SUCO: variants seen among roughly 807,000 people sequenced by gnomAD.
SUCO encodes the protein SUN domain-containing ossification factor.
A neutral mutation model predicts 148.1 loss-of-function variants in SUCO; 57 were observed. That is an observed-to-expected ratio of 0.38 (90% CI 0.31 to 0.48). The LOEUF (loss-of-function observed/expected upper bound fraction) is 0.48, where lower values mean the gene tolerates loss of function less well. Ranked by LOEUF, SUCO falls within the 20% of genes least tolerant of loss-of-function variation. The pLI is 0.96. For missense variants in SUCO, 1,331 were observed against 1,468.2 expected, an observed-to-expected ratio of 0.91 and a Z score of 1.53; for synonymous variants, 470 against 502.7, an observed-to-expected ratio of 0.93 and a Z score of 0.87.
chr1:172,539,704 C>T (rs1652301869), intron 1 of SUCO, among the ~76,000 whole-genome samples: 1 of 152,178 alleles, frequency 6.6e-6, no homozygotes, highest in South Asian at 2.1e-4. Context: ...CAGTGCCTCA[C>T]TCGTAGTAAG....
chr1:172,577,148 A>T, intron 11 of SUCO: 1 of 290,760 alleles, frequency 3.4e-6, no homozygotes, highest in Non-Finnish European at 5.1e-6. Context: ...TCAATATATA[A>T]ATTCATATAT....
chr1:172,599,397 T>C, intron 19 of SUCO: 12 of 779,024 alleles, frequency 1.5e-5, no homozygotes, highest in Non-Finnish European at 1.9e-5. Context: ...ATGATTGTGA[T>C]GTAGAATTCC....
chr1:172,532,714 AC>A (rs1383654774), upstream of SUCO: 1 of 1,613,904 alleles, frequency 6.2e-7, no homozygotes. Flanking sequence ...TCTAGGAGGG[AC>A]TGGGAAAGAG....
intron 15 of SUCO, among the ~76,000 whole-genome samples, chr1:172,579,987 T>G (rs1655758044): frequency 6.6e-6 from 1 of 152,198 alleles, no homozygotes; most frequent in East Asian, 1.9e-4. Context: ...TTGCGTGTGC[T>G]TGTCACTTTT....
chr1:172,595,789 C>T (rs1169930005), intron 19 of SUCO, among the ~76,000 whole-genome samples: 3 of 152,028 alleles, frequency 2.0e-5, no homozygotes, highest in Admixed American at 6.6e-5. Flanking sequence ...ATCTTTGTGG[C>T]GTTCTGTGTA....
intron 3 of SUCO, among the ~76,000 whole-genome samples, chr1:172,553,764 T>C (rs1360726262): frequency 2.0e-5 from 3 of 152,184 alleles, no homozygotes; most frequent in African/African-American, 4.8e-5. Flanking sequence ...TTTCCACTTA[T>C]TGTGGGTATG....
At chr1:172,554,685 C>T (rs958597936) in intron 3 of SUCO, among the ~76,000 whole-genome samples, 1 of 148,380 alleles carries the variant, frequency 6.7e-6, no homozygotes, top group Non-Finnish European at 1.5e-5. Context: ...TGCAGTGAGC[C>T]GAGATCATGC....
intron 1 of SUCO, among the ~76,000 whole-genome samples, chr1:172,551,236 G>A (rs1653271918): frequency 6.6e-6 from 1 of 152,032 alleles, no homozygotes; most frequent in South Asian, 2.1e-4. Context: ...TGTACCTTGT[G>A]TGATAATTAT....
In SUCO at chr1:172,589,816, A is replaced by G. The variant is rs550849217; in HGVS notation, c.2715A>G (p.Val905=). Residue 905 remains valine, a synonymous_variant, in exon 18 of 24, where the codon GTA becomes GTG. Transcript: ENST00000263688. ...TDLGYANGNL[V]HGSNQKESVF... The stretch of plus-strand genomic sequence containing the variant: ...TAGGATATGCTAATGGAAATCTTGT[A>G]CATGGATCAAACCAAAAGGAGTCAG... 5 of 1,610,710 alleles carry G rather than the reference A, an allele frequency of 3.1e-6. No homozygotes were observed. In the African/African-American group the frequency reaches 5.4e-5, roughly 17 times the overall value.
At chr1:172,555,019 T>C (rs1653621701) in intron 3 of SUCO, among the ~76,000 whole-genome samples, 2 of 152,198 alleles carry the variant, frequency 1.3e-5, no homozygotes, top group African/African-American at 4.8e-5. Flanking sequence ...TAATTCATCA[T>C]AGTCCTTAGT....
chr1:172,567,298 C>T (rs1466668909), intron 6 of SUCO, among the ~76,000 whole-genome samples: 1 of 152,082 alleles, frequency 6.6e-6, no homozygotes, highest in Non-Finnish European at 1.5e-5. Context: ...CACATCAAAA[C>T]TTTGTTTTAG....
intron 15 of SUCO, among the ~76,000 whole-genome samples, chr1:172,580,463 C>G (rs906090536): frequency 6.6e-6 from 1 of 152,114 alleles, no homozygotes. Context: ...GTCTTATTCA[C>G]TGCTATGTGA....
In SUCO at chr1:172,560,481, T is replaced by G. The variant is rs140052639; in HGVS notation, c.732+2687T>G. Among the ~76,000 whole-genome samples the G allele has an allele frequency of 4.2e-3, 634 of 152,344 alleles. 4 individuals are homozygous for G. Among genetic ancestry groups the G allele is most frequent in the South Asian group, 0.018 (87 of 4,828 alleles). On this transcript the variant is annotated intron_variant, in intron 6 of 23. Transcript: ENST00000263688. Reference sequence around the variant, plus strand: ...CTAGTCTGTTATTGAGAAATACATTTGCCAAAGAGTCTAGGGACTCTTGAA... The same window carrying G: ...CTAGTCTGTTATTGAGAAATACATTGGCCAAAGAGTCTAGGGACTCTTGAA...
chr1:172,589,312 T>C lies in SUCO; in HGVS notation c.2211T>C (p.Ile737=), dbSNP rs1292703010. ...QTLSQSLLLD[I]TPEINPLPKI... Reference sequence around the variant, plus strand: ...TTTCTCAGTCTCTTCTTTTAGATATTACCCCAGAAATCAATCCCTTGCCTA... The same window carrying C: ...TTTCTCAGTCTCTTCTTTTAGATATCACCCCAGAAATCAATCCCTTGCCTA... The change falls in exon 18 of 24, where the codon ATT becomes ATC. Residue 737 remains isoleucine, a synonymous_variant. Coordinates refer to ENST00000263688, the MANE Select transcript of SUCO (RefSeq NM_014283.5). 6.2e-7 allele frequency: 1 copy of C among 1,613,376 alleles called. No homozygotes were observed. Among genetic ancestry groups the C allele is most frequent in the Non-Finnish European group, 8.5e-7 (1 of 1,179,774 alleles).
In SUCO at chr1:172,599,344, T is replaced by C; in HGVS notation, c.2914-720T>C. ...ACTCCGTCTCAAAAAAAAATAAAAG[T>C]TGAAATTTTCAGTTAAAGTCTCCCT... is the stretch of plus-strand genomic sequence containing the variant. On this transcript the variant is annotated intron_variant, in intron 19 of 23. Transcript: ENST00000263688. The C allele has an allele frequency of 8.3e-6, 4 of 482,128 alleles. No individual in the cohort carries two copies. In the South Asian group the frequency reaches 3.6e-4, roughly 43 times the overall value. 29.9% of individuals were successfully genotyped at this position (482,128 alleles called of 1,614,324 possible).
chr1:172,549,333 G>T (rs2149225490), intron 1 of SUCO, among the ~76,000 whole-genome samples: 2 of 151,752 alleles, frequency 1.3e-5, no homozygotes, highest in African/African-American at 4.8e-5. Context: ...AATAATTGCA[G>T]ACTCCTTCTT....
At chr1:172,562,714 T>C (rs1204509468) in intron 6 of SUCO, among the ~76,000 whole-genome samples, 2 of 152,236 alleles carry the variant, frequency 1.3e-5, no homozygotes, top group African/African-American at 4.8e-5. Context: ...AATTTCTTTT[T>C]ATAAAAGTCT....
rs1344120798 is a variant in SUCO at position 172,533,417 on chromosome 1, G to C, written c.-19G>C. Reference sequence around the variant, plus strand: ...GGGAGGATGTGCCGCCTTCTGGCAGGGGGAAGAAGGAGGAGAAGATGAAGA... The same window carrying C: ...GGGAGGATGTGCCGCCTTCTGGCAGCGGGAAGAAGGAGGAGAAGATGAAGA... On this transcript the variant is annotated 5_prime_UTR_variant, in exon 1 of 24. Coordinates refer to ENST00000263688, the MANE Select transcript of SUCO (RefSeq NM_014283.5). The C allele has an allele frequency of 4.5e-6, 7 of 1,555,510 alleles. No individual in the cohort carries two copies. The highest frequency in any genetic ancestry group is 6.1e-6 in the Non-Finnish European group (7 of 1,149,084).
At chr1:172,574,777 A>G (rs1294951139) in intron 10 of SUCO, 2 of 416,692 alleles carry the variant, frequency 4.8e-6, no homozygotes, top group Non-Finnish European at 6.5e-6. Flanking sequence ...TTGTCATTTA[A>G]TCATTAAGGG....
Sources: allele counts gnomAD v4.1 joint callset (sites outside exome capture counted in the v4.1 genomes callset), GRCh38; gene constraint gnomAD v4.1.1; transcripts MANE v1.5; gene names NCBI Gene and HGNC (gene_info 2026-07-23, HGNC 2026-07-21).